Variants in TRPM3 observed in about 807,000 individuals in gnomAD.
TRPM3 encodes long transient receptor potential channel 3.
A neutral mutation model predicts 181.2 loss-of-function variants in TRPM3; 77 were observed. The ratio of observed to expected loss-of-function variants is 0.42; its 90% CI spans 0.35 to 0.51. TRPM3 has a LOEUF of 0.51. TRPM3 is among the 20% of genes least tolerant of loss of function. The pLI, the probability that TRPM3 is intolerant of heterozygous loss-of-function variation, is 0.01. For synonymous variants in TRPM3, 745 were observed against 796.4 expected, an observed-to-expected ratio of 0.94 and a Z score of 1.09; for missense variants, 1,759 against 2,196.7, an observed-to-expected ratio of 0.80 and a Z score of 3.98.
chr9:71,162,598 C>G (rs1296823241), intron 1 of TRPM3, among the ~76,000 whole-genome samples: 1 of 152,076 alleles, frequency 6.6e-6, no homozygotes, highest in Non-Finnish European at 1.5e-5. Context: ...TTAAATTACA[C>G]AAGTGGAATT....
In TRPM3 at chr9:70,618,893, G is replaced by A. The variant is rs2063194628; in HGVS notation, c.2332C>T (p.Arg778Cys). The change falls in exon 17 of 26, where the codon CGC (arginine) becomes TGC (cysteine). Residue 778 changes from arginine (R) to cysteine (C), a missense_variant. Transcript: ENST00000677713. ...TTGAGGCCTGAGTTCTTGCGCATGCGGAGCCGGCCCATCCACATGTCGGTG... is the reference window on the plus strand; with the variant it reads ...TTGAGGCCTGAGTTCTTGCGCATGCAGAGCCGGCCCATCCACATGTCGGTG... ...LLTDMWMGRL[R>C]MRKNSGLKVI... 1.2e-6 allele frequency: 2 copies of A among 1,608,748 alleles called. No homozygotes were observed. The highest frequency in any genetic ancestry group is 1.7e-6 in the Non-Finnish European group (2 of 1,179,946).
chr9:70,883,370 GGTCTT>G lies in TRPM3; in HGVS notation c.178-18864_178-18860del, dbSNP rs543202103. On this transcript the variant is annotated intron_variant, in intron 1 of 25. Transcript: ENST00000677713. ...GAGGCATGGAAAATTAATGCTGACA[GGTCTT>G]GAGGCAGAGAAAGTTCCAAATAGGC... Among the ~76,000 whole-genome samples, 23 of 152,324 alleles carry G rather than the reference GGTCTT, an allele frequency of 1.5e-4. No homozygotes were observed. The East Asian group carries it at 4.2e-3, about 28-fold the overall frequency.
intron 8 of TRPM3, among the ~76,000 whole-genome samples, chr9:70,686,698 C>CTTCA (rs1429864293): frequency 1.2e-5 from 1 of 80,320 alleles, no homozygotes; most frequent in Non-Finnish European, 2.7e-5. Context: ...TCCTTCCTTC[C>CTTCA]TTCCTTCCTT....
At position 71,134,445 on chromosome 9, in the gene TRPM3, G is replaced by A. The variant is rs553725181; in HGVS notation, c.184-269934C>T. Among the ~76,000 whole-genome samples, 149 of 151,442 alleles carry A rather than the reference G, an allele frequency of 9.8e-4. 1 individual carries two copies. Among genetic ancestry groups the A allele is most frequent in the African/African-American group, 3.4e-3 (140 of 41,258 alleles). The stretch of plus-strand genomic sequence containing the variant: ...TGTGCACCTGTAGTCCCAGCTACTT[G>A]GGAGGCTGAGGCAGGAGAATGGCTT... On this transcript the variant is annotated intron_variant, in intron 1 of 24. Coordinates refer to the TRPM3 transcript ENST00000357533.
At chr9:71,033,661 T>A (rs2057819249) in intron 1 of TRPM3, among the ~76,000 whole-genome samples, 1 of 152,240 alleles carries the variant, frequency 6.6e-6, no homozygotes, top group Non-Finnish European at 1.5e-5. Flanking sequence ...GAATTGCACC[T>A]TCTCCTACCA....
At chr9:70,928,119 G>A (rs530239928) in intron 1 of TRPM3, among the ~76,000 whole-genome samples, 167 of 152,312 alleles carry the variant, frequency 1.1e-3, no homozygotes, top group Non-Finnish European at 1.8e-3. Flanking sequence ...TGGGGTTGGA[G>A]TCAGAGAGAT....
intron 1 of TRPM3, among the ~76,000 whole-genome samples, chr9:71,105,746 C>T (rs1220731069): frequency 6.6e-6 from 1 of 152,074 alleles, no homozygotes; most frequent in East Asian, 1.9e-4. Context: ...CTCTTCTCAG[C>T]CAGAAAAGTC....
intron 1 of TRPM3, among the ~76,000 whole-genome samples, chr9:71,320,922 G>T (rs1192597781): frequency 6.6e-6 from 1 of 151,854 alleles, no homozygotes; most frequent in Non-Finnish European, 1.5e-5. Context: ...CATGCATAGG[G>T]CCATCCTTGA....
At chr9:71,221,598 T>C (rs2080244510) in intron 1 of TRPM3, among the ~76,000 whole-genome samples, 1 of 152,206 alleles carries the variant, frequency 6.6e-6, no homozygotes, top group Non-Finnish European at 1.5e-5. Context: ...ACAGTTGCAA[T>C]GCCCTGTAGC....
rs3010443 is a variant in TRPM3 at position 70,885,924 on chromosome 9, A to G, written c.178-21413T>C. On this transcript the variant is annotated intron_variant, in intron 1 of 25. Coordinates refer to ENST00000677713, the MANE Select transcript of TRPM3 (RefSeq NM_001366145.2). The stretch of plus-strand genomic sequence containing the variant: ...ACAAATTGCCCTTAATAATACAAAG[A>G]AACAAAATTTGGCAACTTGGCATTT... Among the ~76,000 whole-genome samples, 490 of 152,322 alleles carry G rather than the reference A, an allele frequency of 3.2e-3. 3 individuals carry two copies. The highest frequency in any genetic ancestry group is 0.011 in the African/African-American group (477 of 41,568).
chr9:70,821,698 T>A (rs1259455318), intron 6 of TRPM3, among the ~76,000 whole-genome samples: 3 of 152,238 alleles, frequency 2.0e-5, no homozygotes. Context: ...GATTAATGAT[T>A]TTATGTTCTT....
chr9:71,012,663 C>T (rs1359837631), intron 1 of TRPM3, among the ~76,000 whole-genome samples: 7 of 151,884 alleles, frequency 4.6e-5, no homozygotes, highest in East Asian at 3.9e-4. Context: ...CATTTCATGA[C>T]GTGAAATTTT....
intron 1 of TRPM3, among the ~76,000 whole-genome samples, chr9:71,046,533 T>C (rs948534373): frequency 6.6e-6 from 1 of 152,210 alleles, no homozygotes; most frequent in Non-Finnish European, 1.5e-5. Context: ...TATTGTTATC[T>C]GCTTCAGATA....
intron 22 of TRPM3, among the ~76,000 whole-genome samples, chr9:70,588,890 G>A (rs1388354905): frequency 2.6e-5 from 4 of 152,178 alleles, no homozygotes; most frequent in Non-Finnish European, 5.9e-5. Context: ...ACAGATTTTG[G>A]GGGCAGCCTT....
At chr9:71,240,031 C>G (rs571376180) in intron 1 of TRPM3, among the ~76,000 whole-genome samples, 7 of 152,180 alleles carry the variant, frequency 4.6e-5, no homozygotes, top group South Asian at 2.1e-4. Context: ...AGAATTTATT[C>G]GCTTGAAAGG....
intron 1 of TRPM3, among the ~76,000 whole-genome samples, chr9:70,959,184 C>T (rs2097111360): frequency 6.6e-6 from 1 of 151,516 alleles, no homozygotes; most frequent in Non-Finnish European, 1.5e-5. Flanking sequence ...AAATATGTCA[C>T]CTGTAAAAAA....
At position 70,856,997 on chromosome 9, in the gene TRPM3, T is replaced by A. The variant is rs562328774; in HGVS notation, c.462+5911A>T. Among the ~76,000 whole-genome samples the A allele has an allele frequency of 2.6e-5, 4 of 152,090 alleles. No individual in the cohort carries two copies. In the East Asian group the frequency reaches 7.7e-4, roughly 29 times the overall value. On this transcript the variant is annotated intron_variant, in intron 3 of 25. Transcript: ENST00000677713. ...GGTGTGAGCCCCAGATGTAGAAGAG[T>A]CTTTGAGACATGATACTATGTTGGC... is the stretch of plus-strand genomic sequence containing the variant.
At chr9:71,185,200 G>T (rs1473127935) in intron 1 of TRPM3, among the ~76,000 whole-genome samples, 1 of 152,090 alleles carries the variant, frequency 6.6e-6, no homozygotes, top group Non-Finnish European at 1.5e-5. Context: ...GTGTGTAACT[G>T]ATGCATGAAA....
intron 7 of TRPM3, chr9:70,774,353 G>GT (rs1385248888): frequency 6.6e-6 from 1 of 151,896 alleles, no homozygotes; most frequent in Non-Finnish European, 1.5e-5. Flanking sequence ...CTTCCTTATG[G>GT]TTTTCTCAAT....
Sources: gnomAD v4.1 joint callset for allele counts (sites outside exome capture counted in the v4.1 genomes callset) on GRCh38, gnomAD v4.1.1 for gene constraint, MANE v1.5 for transcripts, NCBI Gene and HGNC (gene_info 2026-07-23, HGNC 2026-07-21) for gene names.